Variants in PRL observed in about 807,000 individuals in gnomAD.
PRL encodes the protein prolactin.
Under a neutral mutation model 21.3 loss-of-function variants are expected in PRL, and 24 were observed. The ratio of observed to expected loss-of-function variants is 1.13; its 90% CI spans 0.82 to 1.59. The LOEUF (loss-of-function observed/expected upper bound fraction) is 1.59. Among genes scored for constraint, PRL ranks in the 40% most tolerant of loss-of-function variants. The pLI, the probability that PRL is intolerant of heterozygous loss-of-function variation, is 0.00. For synonymous variants in PRL, 118 were observed against 115.7 expected (o/e 1.02, Z -0.13); for missense variants, 243 against 286.9 (o/e 0.85, Z 1.10).
At chr6:22,292,466 G>A (rs1761069632) in intron 3 of PRL, 72 bp downstream of exon 3, 4 of 1,369,334 alleles carry the variant, frequency 2.9e-6, no homozygotes, top group Non-Finnish European at 4.2e-6. Flanking sequence ...AGCTATTACA[G>A]CACCTATCAC....
Position 22,290,250 on chromosome 6 carries a change from GC to G in PRL, c.415del (p.Ala139LeufsTer7), listed in dbSNP as rs1761020300. On this transcript the variant is annotated frameshift_variant, in exon 4 of 5. Coordinates refer to ENST00000306482, the MANE Select transcript of PRL (RefSeq NM_000948.6). LOFTEE classifies it high-confidence loss of function. ...EVRGMQEAPE[A>X]ILSKAVEIEE... ...AATCTCTACAGCTTTGGATAGGATA[GC>G]CTCCGGGGCTTCTTGCATACCACGT... is the stretch of plus-strand genomic sequence containing the variant. 1.2e-6 allele frequency: 2 copies of G among 1,613,084 alleles called. No homozygotes were observed. Among genetic ancestry groups the G allele is most frequent in the Non-Finnish European group, 8.5e-7 (1 of 1,179,326 alleles).
At chr6:22,296,934 G>A (rs181638336) in intron 1 of PRL, 21 bp downstream of exon 1, 11 of 1,611,958 alleles carry the variant, frequency 6.8e-6, no homozygotes, top group Admixed American at 1.7e-5. Context: ...AACCAACAAC[G>A]CAGTGAGTTG....
chr6:22,301,622 G>C (rs1178088847), upstream of PRL, among the ~76,000 whole-genome samples: 3 of 152,128 alleles, frequency 2.0e-5, no homozygotes, highest in Non-Finnish European at 4.4e-5. Context: ...GTATTGAAAA[G>C]ATTCAGACTG....
chr6:22,298,911 G>A (rs1225212300), upstream of PRL, among the ~76,000 whole-genome samples: 1 of 152,186 alleles, frequency 6.6e-6, no homozygotes, highest in Non-Finnish European at 1.5e-5. Context: ...AACCTAAGCT[G>A]TGTTTATTCA....
At chr6:22,300,282 A>G (rs1761258855), upstream of PRL, among the ~76,000 whole-genome samples, 1 of 152,204 alleles carries the variant, frequency 6.6e-6, no homozygotes, top group Admixed American at 6.5e-5. Context: ...CCCCATTTTC[A>G]GTAAACTGCA....
At chr6:22,293,413 AG>A (rs1184647472) in intron 2 of PRL, among the ~76,000 whole-genome samples, 1 of 152,168 alleles carries the variant, frequency 6.6e-6, no homozygotes, top group Non-Finnish European at 1.5e-5. Context: ...GAAATCAGAG[AG>A]TAAAAATAAT....
At chr6:22,302,687 T>C (rs1761303886) in intron 1 of PRL, among the ~76,000 whole-genome samples, 1 of 152,178 alleles carries the variant, frequency 6.6e-6, no homozygotes, top group Non-Finnish European at 1.5e-5. Context: ...TGGACAGTCA[T>C]GTAGAAATAC....
chr6:22,298,432 A>G (rs1025228840), upstream of PRL, among the ~76,000 whole-genome samples: 41 of 152,344 alleles, frequency 2.7e-4, no homozygotes, highest in Middle Eastern at 3.4e-3. Flanking sequence ...TGAATGAGGT[A>G]ATTTAAAAAA....
At chr6:22,295,216 G>A (rs1405708670) in intron 1 of PRL, among the ~76,000 whole-genome samples, 1 of 151,506 alleles carries the variant, frequency 6.6e-6, no homozygotes, top group Non-Finnish European at 1.5e-5. Context: ...TTTTATATTT[G>A]AGCTTCATAA....
upstream of PRL, among the ~76,000 whole-genome samples, chr6:22,302,209 C>A (rs1235265435): frequency 6.6e-6 from 1 of 151,752 alleles, no homozygotes; most frequent in Non-Finnish European, 1.5e-5. Context: ...CTGACTATAA[C>A]CCTTCAAAAA....
upstream of PRL, among the ~76,000 whole-genome samples, chr6:22,298,949 C>T (rs1477152430): frequency 6.6e-6 from 1 of 152,158 alleles, no homozygotes; most frequent in African/African-American, 2.4e-5. Context: ...TATTTGACTG[C>T]AAAGAGGTAC....
upstream of PRL, among the ~76,000 whole-genome samples, chr6:22,298,173 T>C (rs911158786): frequency 2.0e-5 from 3 of 152,198 alleles, no homozygotes; most frequent in Admixed American, 1.3e-4. Context: ...GATAGCAGTG[T>C]GTAAACTGTT....
At chr6:22,296,902 C>G in intron 1 of PRL, 53 bp downstream of exon 1, 1 of 1,568,356 alleles carries the variant, frequency 6.4e-7, no homozygotes, top group Non-Finnish European at 8.7e-7. Context: ...TCACATTAAT[C>G]CCCCCACAGG....
Position 22,287,355 on chromosome 6 carries a change from A to G in PRL, c.*47T>C. ...ACAACTAAAAGAAGCTTGCAATGGA[A>G]CGGATCATTAAGGACCTTCTCAGAA... On this transcript the variant is annotated 3_prime_UTR_variant, in exon 5 of 5. Coordinates refer to ENST00000306482, the MANE Select transcript of PRL (RefSeq NM_000948.6). 1 of 1,536,588 alleles carries G rather than the reference A, an allele frequency of 6.5e-7. No individual in the cohort carries two copies. The highest frequency in any genetic ancestry group is 8.9e-7 in the Non-Finnish European group (1 of 1,125,552).
chr6:22,291,233 A>G (rs528545946), intron 3 of PRL, among the ~76,000 whole-genome samples: 2 of 151,130 alleles, frequency 1.3e-5, no homozygotes, highest in East Asian at 3.9e-4. Context: ...GAAATGAGCT[A>G]TAAAGAGGTA....
In PRL at chr6:22,296,411, A is replaced by G. The variant is rs576421903; in HGVS notation, c.28+544T>C. Among the ~76,000 whole-genome samples, 3 of 152,338 alleles carry G rather than the reference A, an allele frequency of 2.0e-5. No homozygotes were observed. The East Asian group carries it at 5.8e-4, about 29-fold the overall frequency. On this transcript the variant is annotated intron_variant, in intron 1 of 4. Coordinates refer to ENST00000306482, the MANE Select transcript of PRL (RefSeq NM_000948.6). ...GAATAGGAAAGACAATTCTGTTGTT[A>G]GTGTCTATTTTATGGCTTCACAATT...
chr6:22,296,901 T>C (rs1026736510), intron 1 of PRL, 54 bp downstream of exon 1: 1 of 1,567,034 alleles, frequency 6.4e-7, no homozygotes, highest in Non-Finnish European at 8.7e-7. Flanking sequence ...TTCACATTAA[T>C]CCCCCCACAG....
In PRL at chr6:22,292,530, G is replaced by A; in HGVS notation, c.312+8C>T. ...TGTTTTGGTGCAAAGCCTGGATGAA[G>A]GACTCACATTCATCTGTTGGGCTTG... On this transcript the variant is annotated splice_region_variant and intron_variant, in intron 3 of 4. Transcript: ENST00000306482. 2.5e-6 allele frequency: 4 copies of A among 1,611,478 alleles called. No homozygotes were observed. In the South Asian group the frequency reaches 3.3e-5, roughly 13 times the overall value.
intron 2 of PRL, among the ~76,000 whole-genome samples, chr6:22,292,910 C>A (rs1054514528): frequency 2.6e-5 from 4 of 152,120 alleles, no homozygotes; most frequent in Non-Finnish European, 4.4e-5. Flanking sequence ...TTTTACCATT[C>A]ACACAAGTCA....
Sources: gnomAD v4.1 joint callset for allele counts (sites outside exome capture counted in the v4.1 genomes callset) on GRCh38, gnomAD v4.1.1 for gene constraint, MANE v1.5 for transcripts, NCBI Gene and HGNC (gene_info 2026-07-23, HGNC 2026-07-21) for gene names.